Variants in SPAG9 observed in about 807,000 individuals in gnomAD.
SPAG9 encodes the protein C-Jun-amino-terminal kinase-interacting protein 4.
Under a neutral mutation model 166.5 loss-of-function variants are expected in SPAG9, and 35 were observed. The ratio of observed to expected loss-of-function variants is 0.21; its 90% confidence interval spans 0.16 to 0.28. The LOEUF (loss-of-function observed/expected upper bound fraction) is 0.28. Ranked by LOEUF, SPAG9 falls within the 10% of genes least tolerant of loss-of-function variation. The pLI, the probability that SPAG9 is intolerant of heterozygous loss-of-function variation, is 1.00. For missense variants in SPAG9, 1,235 were observed against 1,603.3 expected, an observed-to-expected ratio of 0.77 and a Z score of 3.92; for synonymous variants, 534 against 565.5, an observed-to-expected ratio of 0.94 and a Z score of 0.79.
At chr17:51,013,090 A>G (rs1447966354) in intron 9 of SPAG9, among the ~76,000 whole-genome samples, 1 of 152,176 alleles carries the variant, frequency 6.6e-6, no homozygotes, top group Non-Finnish European at 1.5e-5. Flanking sequence ...AATGTCAAGG[A>G]CATAACTGGC....
chr17:51,107,646 A>G (rs2048991003), intron 1 of SPAG9, among the ~76,000 whole-genome samples: 2 of 151,462 alleles, frequency 1.3e-5, no homozygotes, highest in South Asian at 4.2e-4. Context: ...CTGAGGCAGG[A>G]GAATTGCTTG....
intron 3 of SPAG9, 135 bp downstream of exon 3, chr17:51,056,277 G>T: frequency 1.5e-6 from 1 of 657,102 alleles, no homozygotes; most frequent in Non-Finnish European, 2.7e-6. Context: ...GAAATTTAAT[G>T]TTTTCTTGAA....
At chr17:51,087,104 T>C (rs180677142) in intron 1 of SPAG9, among the ~76,000 whole-genome samples, 82 of 152,212 alleles carry the variant, frequency 5.4e-4, no homozygotes, top group African/African-American at 1.9e-3. Flanking sequence ...AAGTAACAAG[T>C]GACTGGAAGT....
chr17:50,980,391 G>C (rs1974509196), intron 25 of SPAG9, among the ~76,000 whole-genome samples: 2 of 151,820 alleles, frequency 1.3e-5, no homozygotes, highest in Admixed American at 1.3e-4. Context: ...TTTTAGTAGA[G>C]ACAGGCTTTC....
chr17:51,053,050 A>C (rs1418718270), intron 3 of SPAG9, among the ~76,000 whole-genome samples: 1 of 152,076 alleles, frequency 6.6e-6, no homozygotes, highest in Non-Finnish European at 1.5e-5. Context: ...CCCATCTCAA[A>C]AAACAAAAAA....
At chr17:50,971,459 CTTTTT>C (rs71353691) in intron 28 of SPAG9, among the ~76,000 whole-genome samples, 1 of 89,902 alleles carries the variant, frequency 1.1e-5, no homozygotes, top group East Asian at 2.9e-4. Flanking sequence ...TTCAAACTAC[CTTTTT>C]TTTTTTTTTT....
In SPAG9 at chr17:51,061,098, G is replaced by A. The variant is rs367656660; in HGVS notation, c.425-4616C>T. Among the ~76,000 whole-genome samples the A allele has an allele frequency of 5.6e-3, 842 of 151,278 alleles. 5 individuals carry two copies. The highest frequency in any genetic ancestry group is 0.019 in the African/African-American group (776 of 41,228). ...CCTGACCTCGTGATCCACCCACCTC[G>A]GCCTCCCAAAGTGCTAGGATTACAG... is the stretch of plus-strand genomic sequence containing the variant. On this transcript the variant is annotated intron_variant, in intron 2 of 29. Coordinates refer to ENST00000262013, the MANE Select transcript of SPAG9 (RefSeq NM_001130528.3).
chr17:51,062,198 C>T (rs1384779572), intron 2 of SPAG9, among the ~76,000 whole-genome samples: 3 of 152,300 alleles, frequency 2.0e-5, no homozygotes, highest in Middle Eastern at 3.4e-3. Context: ...CAGCCCCCTA[C>T]ACACGCAACC....
chr17:51,025,317 A>G (rs1332430097), intron 6 of SPAG9, among the ~76,000 whole-genome samples: 1 of 23,472 alleles, frequency 4.3e-5, no homozygotes. Flanking sequence ...ACTCTGTCTC[A>G]AAAAAAAAAA....
chr17:50,966,972 G>T (rs914859575), intron 29 of SPAG9, among the ~76,000 whole-genome samples: 1 of 152,192 alleles, frequency 6.6e-6, no homozygotes, highest in Non-Finnish European at 1.5e-5. Flanking sequence ...TTTAGGATAG[G>T]TTACAAATTA....
chr17:51,026,070 A>G (rs1162539611), intron 6 of SPAG9, among the ~76,000 whole-genome samples: 2 of 152,176 alleles, frequency 1.3e-5, no homozygotes, highest in Non-Finnish European at 2.9e-5. Flanking sequence ...AAATAATTTG[A>G]GGTCAATCTT....
chr17:51,117,217 G>T (rs1442375328), intron 1 of SPAG9, among the ~76,000 whole-genome samples: 2 of 152,144 alleles, frequency 1.3e-5, no homozygotes, highest in African/African-American at 4.8e-5. Flanking sequence ...GCCTTGCTGA[G>T]AATTCCTGCA....
chr17:50,990,795 G>A, intron 19 of SPAG9, 127 bp from the exon 20 acceptor site: 1 of 663,020 alleles, frequency 1.5e-6, no homozygotes, highest in Non-Finnish European at 2.6e-6. Flanking sequence ...AATACAGGTA[G>A]CATTAAATTT....
intron 8 of SPAG9, among the ~76,000 whole-genome samples, chr17:51,018,066 T>C (rs1358819439): frequency 6.6e-6 from 1 of 152,092 alleles, no homozygotes; most frequent in African/African-American, 2.4e-5. Flanking sequence ...TTTTGGATAA[T>C]CCTGATTAAG....
chr17:50,973,371 A>T (rs528194749), intron 28 of SPAG9, among the ~76,000 whole-genome samples: 15 of 151,614 alleles, frequency 9.9e-5, no homozygotes, highest in Non-Finnish European at 2.2e-4. Flanking sequence ...GTGATATTTC[A>T]TTTTTTTTTA....
chr17:51,071,563 A>G (rs1000690948), intron 2 of SPAG9, among the ~76,000 whole-genome samples: 11 of 152,246 alleles, frequency 7.2e-5, no homozygotes, highest in African/African-American at 2.7e-4. Flanking sequence ...AAGTAATCAG[A>G]AATCTCCAAA....
At position 50,993,837 on chromosome 17, in the gene SPAG9, A is replaced by G. The variant is rs770296210; in HGVS notation, c.2325T>C (p.Ala775=). The G allele has an allele frequency of 1.2e-6, 2 of 1,614,164 alleles. No homozygotes were observed. The highest frequency in any genetic ancestry group is 1.7e-6 in the Non-Finnish European group (2 of 1,180,006). ...HSATKVLIID[A]VQPGNILDSF... is the part of the protein sequence containing the mutation. ...TGTCTAGGATGTTGCCAGGTTGAAC[A>G]GCATCAATAATAAGAACTTTTGTAG... is the stretch of plus-strand genomic sequence containing the variant. Residue 775 remains alanine (A), a synonymous_variant, in exon 19 of 30, where the codon GCT becomes GCC. Transcript: ENST00000262013.
intron 2 of SPAG9, among the ~76,000 whole-genome samples, chr17:51,071,109 C>CATAT (rs1386611756): frequency 6.6e-6 from 1 of 151,960 alleles, no homozygotes; most frequent in Non-Finnish European, 1.5e-5. Context: ...CCACAAGGAC[C>CATAT]ATATCATACT....
chr17:51,081,053 A>C (rs1320840426), intron 1 of SPAG9, among the ~76,000 whole-genome samples: 1 of 152,154 alleles, frequency 6.6e-6, no homozygotes, highest in African/African-American at 2.4e-5. Flanking sequence ...AGTACCTCAC[A>C]TATCCAATCC....
Sources: allele counts gnomAD v4.1 joint callset (sites outside exome capture counted in the v4.1 genomes callset), GRCh38; gene constraint gnomAD v4.1.1; transcripts MANE v1.5; gene names NCBI Gene and HGNC (gene_info 2026-07-23, HGNC 2026-07-21).